The following RAB38 variants were observed in gnomAD, a reference collection of about 807,000 sequenced individuals.
RAB38 encodes ras-related protein Rab-38.
In RAB38, 15 loss-of-function variants were observed where a neutral mutation model predicts 18.4. The observed-to-expected ratio is 0.82, with a 90% CI of 0.55 to 1.26. RAB38 has a LOEUF of 1.26. Among genes scored for constraint, RAB38 ranks in the 50% most tolerant of loss-of-function variants. The pLI is 0.00. For synonymous variants in RAB38, 101 were observed against 104.4 expected, an observed-to-expected ratio of 0.97 and a Z score of 0.20; for missense variants, 294 against 267.4, an observed-to-expected ratio of 1.10 and a Z score of -0.69.
At chr11:88,134,388 C>T (rs1313725300) in intron 2 of RAB38, among the ~76,000 whole-genome samples, 1 of 150,944 alleles carries the variant, frequency 6.6e-6, no homozygotes, top group African/African-American at 2.4e-5. Flanking sequence ...CTACCGGTGT[C>T]TGCCACCATG....
the RAB38 span, among the ~76,000 whole-genome samples, chr11:87,803,826 G>C: frequency 6.6e-6 from 1 of 152,164 alleles, no homozygotes; most frequent in Non-Finnish European, 1.5e-5. Flanking sequence ...AGGAATAAAG[G>C]GTCATTTGTC....
the RAB38 span, among the ~76,000 whole-genome samples, chr11:87,854,102 C>G: frequency 6.8e-6 from 1 of 146,682 alleles, no homozygotes; most frequent in Admixed American, 7.0e-5. Flanking sequence ...TCCAAGTCCT[C>G]AACCTTAATC....
chr11:87,846,420 TAGTA>T, the RAB38 span, among the ~76,000 whole-genome samples: 9 of 152,042 alleles, frequency 5.9e-5, no homozygotes, highest in Admixed American at 4.6e-4. Context: ...GAAAGACAAA[TAGTA>T]AGCATAAGAA....
the RAB38 span, among the ~76,000 whole-genome samples, chr11:87,959,099 G>GA: frequency 6.6e-6 from 1 of 152,044 alleles, no homozygotes; most frequent in African/African-American, 2.4e-5. Context: ...TGGGCCCTAG[G>GA]ATTAAGATCC....
the RAB38 span, among the ~76,000 whole-genome samples, chr11:88,026,281 C>G: frequency 1.3e-5 from 2 of 152,006 alleles, no homozygotes; most frequent in African/African-American, 4.8e-5. Flanking sequence ...TGCAACACAA[C>G]AGCCAGGTGC....
At chr11:87,897,009 T>A in the RAB38 span, among the ~76,000 whole-genome samples, 4 of 151,730 alleles carry the variant, frequency 2.6e-5, no homozygotes, top group Admixed American at 6.6e-5. Context: ...ATCTTACTGA[T>A]CTTTTTGCCT....
the RAB38 span, among the ~76,000 whole-genome samples, chr11:87,950,058 A>G: frequency 6.6e-6 from 1 of 152,320 alleles, no homozygotes; most frequent in South Asian, 2.1e-4. Context: ...TACTTGCTTT[A>G]TGAATCTGGG....
At chr11:87,832,848 T>TGTAAC in the RAB38 span, among the ~76,000 whole-genome samples, 1 of 151,230 alleles carries the variant, frequency 6.6e-6, no homozygotes, top group African/African-American at 2.4e-5. Context: ...CCTTTTACCA[T>TGTAAC]GTAACGTAAC....
the RAB38 span, among the ~76,000 whole-genome samples, chr11:87,874,144 G>A: frequency 6.6e-5 from 10 of 150,910 alleles, no homozygotes; most frequent in Non-Finnish European, 1.2e-4. Flanking sequence ...TGTTCATAGA[G>A]AAATTTTTTT....
At chr11:87,804,510 C>T in the RAB38 span, among the ~76,000 whole-genome samples, 3 of 152,182 alleles carry the variant, frequency 2.0e-5, no homozygotes, top group Non-Finnish European at 2.9e-5. Context: ...TTTTATACAA[C>T]CCTGTGAGGA....
the RAB38 span, among the ~76,000 whole-genome samples, chr11:88,012,709 C>A: frequency 6.6e-6 from 1 of 152,086 alleles, no homozygotes; most frequent in Non-Finnish European, 1.5e-5. Flanking sequence ...CTCCTTTGTA[C>A]TGGGGAAAGA....
intron 1 of RAB38, among the ~76,000 whole-genome samples, chr11:88,155,128 C>A (rs78843603): frequency 0.025 from 3,800 of 152,326 alleles, 148 homozygotes; most frequent in African/African-American, 0.087. Flanking sequence ...AGCTGCCCCC[C>A]AGATTCTCCC....
the RAB38 span, among the ~76,000 whole-genome samples, chr11:88,016,704 C>T: frequency 6.6e-6 from 1 of 152,018 alleles, no homozygotes; most frequent in Admixed American, 6.6e-5. Context: ...ATGTTTTCTT[C>T]CTTAAAAGCA....
At chr11:87,963,011 A>G in the RAB38 span, among the ~76,000 whole-genome samples, 1 of 152,164 alleles carries the variant, frequency 6.6e-6, no homozygotes, top group African/African-American at 2.4e-5. Flanking sequence ...TAAAGATGAG[A>G]CTATTGATAT....
At chr11:87,890,580 A>T in the RAB38 span, among the ~76,000 whole-genome samples, 1 of 151,558 alleles carries the variant, frequency 6.6e-6, no homozygotes, top group Non-Finnish European at 1.5e-5. Flanking sequence ...AAGCTTTCAA[A>T]ATTTTTATCA....
At chr11:87,911,117 A>G in the RAB38 span, among the ~76,000 whole-genome samples, 3 of 151,814 alleles carry the variant, frequency 2.0e-5, no homozygotes, top group East Asian at 3.9e-4. Context: ...TTTGTATTCT[A>G]TTCCACTGAA....
the RAB38 span, among the ~76,000 whole-genome samples, chr11:87,951,808 C>G: frequency 1.3e-5 from 2 of 152,232 alleles, no homozygotes; most frequent in South Asian, 4.2e-4. Context: ...TCTGCCCCTA[C>G]TGGGGGGGTG....
the RAB38 span, among the ~76,000 whole-genome samples, chr11:87,870,850 T>G: frequency 6.6e-6 from 1 of 151,750 alleles, no homozygotes; most frequent in East Asian, 2.0e-4. Context: ...CATTGTACAT[T>G]TGTGCATTAT....
chr11:87,920,715 T>A, the RAB38 span, among the ~76,000 whole-genome samples: 1 of 152,104 alleles, frequency 6.6e-6, no homozygotes. Flanking sequence ...GGATGATCTG[T>A]CCATTACTGA....
Sources: allele counts gnomAD v4.1 joint callset (sites outside exome capture counted in the v4.1 genomes callset), GRCh38; gene constraint gnomAD v4.1.1; transcripts MANE v1.5; gene names NCBI Gene and HGNC (gene_info 2026-07-23, HGNC 2026-07-21).